DROSHA: variants seen among roughly 807,000 people sequenced by gnomAD.
The protein encoded by DROSHA is ribonuclease 3.
DROSHA carries 56 observed loss-of-function variants against 181.9 expected under a neutral mutation model. The ratio of observed to expected loss-of-function variants is 0.31; its 90% CI spans 0.25 to 0.38. The LOEUF is 0.38. DROSHA is among the 10% of genes least tolerant of loss of function. DROSHA has a pLI of 1.00. For missense variants in DROSHA, 1,218 were observed against 1,743.5 expected (o/e 0.70, Z 5.37); for synonymous variants, 524 against 591.2 (o/e 0.89, Z 1.65).
chr5:31,448,651 A>G (rs749455780), intron 22 of DROSHA, 44 bp from the exon 23 acceptor site: 2 of 1,454,706 alleles, frequency 1.4e-6, no homozygotes, highest in Non-Finnish European at 1.9e-6. Context: ...TACGGATAGA[A>G]GAATTATAGG....
rs554035746 is a variant in DROSHA, at chr5:31,486,605, T to C, written c.1843-43A>G. ...GAGGTTCAGTTCCCCAACGTCTCCCTGCAGGCTCATATTATACACGTTTGT... is the reference window on the plus strand; with the variant it reads ...GAGGTTCAGTTCCCCAACGTCTCCCCGCAGGCTCATATTATACACGTTTGT... On this transcript the variant is annotated intron_variant, in intron 13 of 35. Coordinates refer to ENST00000344624, the MANE Select transcript of DROSHA (RefSeq NM_001382508.1). The C allele has an allele frequency of 3.2e-6, 5 of 1,571,988 alleles. No homozygotes were observed. The East Asian group carries it at 1.1e-4, about 35-fold the overall frequency.
intron 12 of DROSHA, among the ~76,000 whole-genome samples, chr5:31,493,527 T>A (rs1359619150): frequency 6.6e-6 from 1 of 152,206 alleles, no homozygotes; most frequent in Non-Finnish European, 1.5e-5. Flanking sequence ...CATAAATAAA[T>A]AAAAGGCTAT....
chr5:31,475,058 C>T (rs1230885309), intron 16 of DROSHA, among the ~76,000 whole-genome samples: 1 of 152,204 alleles, frequency 6.6e-6, no homozygotes, highest in African/African-American at 2.4e-5. Context: ...TGGCTCACGC[C>T]TGTAATCCCA....
chr5:31,472,313 AAAAC>A (rs1749823947), intron 16 of DROSHA, 81 bp from the exon 17 acceptor site: 1 of 1,439,942 alleles, frequency 6.9e-7, no homozygotes. Context: ...AATAAGGAAA[AAAAC>A]AAGACAATGG....
chr5:31,530,697 A>G, intron 3 of DROSHA, 101 bp downstream of exon 3: 2 of 394,020 alleles, frequency 5.1e-6, no homozygotes, highest in Non-Finnish European at 8.9e-6. Context: ...TCCATCTATC[A>G]ATCTTAAATG....
At chr5:31,437,628 G>A (rs1220495859) in intron 23 of DROSHA, among the ~76,000 whole-genome samples, 1 of 152,038 alleles carries the variant, frequency 6.6e-6, no homozygotes, top group Non-Finnish European at 1.5e-5. Flanking sequence ...AAGACATAAA[G>A]AAGAATGCCT....
intron 13 of DROSHA, among the ~76,000 whole-genome samples, chr5:31,488,488 T>G (rs1457190256): frequency 6.6e-6 from 1 of 150,724 alleles, no homozygotes; most frequent in Non-Finnish European, 1.5e-5. Context: ...AGAGCAGGTG[T>G]TTAGCTTCTA....
At chr5:31,501,922 T>C (rs1051917610) in intron 11 of DROSHA, among the ~76,000 whole-genome samples, 1 of 152,158 alleles carries the variant, frequency 6.6e-6, no homozygotes, top group Admixed American at 6.5e-5. Flanking sequence ...GAGACCTTGG[T>C]AAAATGCATG....
At chr5:31,472,362 A>G in intron 16 of DROSHA, 130 bp from the exon 17 acceptor site, 3 of 1,115,392 alleles carry the variant, frequency 2.7e-6, no homozygotes, top group Non-Finnish European at 3.7e-6. Context: ...GTAATGTAAA[A>G]TTTACACTGT....
At position 31,422,856 on chromosome 5, in the gene DROSHA, A is replaced by G. The variant is rs1179152066; in HGVS notation, c.3350T>C (p.Ile1117Thr). 6.2e-7 allele frequency: 1 copy of G among 1,613,698 alleles called. No homozygotes were observed. Among genetic ancestry groups the G allele is most frequent in the Non-Finnish European group, 8.5e-7 (1 of 1,179,774 alleles). The change falls in exon 29 of 36, where the codon ATT (isoleucine) becomes ACT (threonine). Residue 1117 changes from isoleucine to threonine, a missense_variant. This residue lies in a region of DROSHA where 71 missense variants were observed against 95.2 expected (regional missense o/e 0.75). Transcript: ENST00000344624. ...TGCCAGAAGTCGAACATGAGTAAAA[A>G]TTACTCCAATTGCTTCTTCAAACTC... Reference protein sequence around the residue: ...LTEFEEAIGVIFTHVRLLARA... With the variant: ...LTEFEEAIGVTFTHVRLLARA...
At chr5:31,479,460 C>T (rs188367893) in intron 16 of DROSHA, among the ~76,000 whole-genome samples, 4 of 152,038 alleles carry the variant, frequency 2.6e-5, no homozygotes, top group Non-Finnish European at 4.4e-5. Flanking sequence ...ATATCTCATA[C>T]GAATTGTGAA....
At chr5:31,429,415 GA>G in intron 27 of DROSHA, 59 bp downstream of exon 27, 1 of 1,461,390 alleles carries the variant, frequency 6.8e-7, no homozygotes. Flanking sequence ...AAGACCAGCT[GA>G]AATAAAATAT....
rs760467039 is a variant in DROSHA at position 31,529,095 on chromosome 5, G to C, written c.-36C>G. ...CTGGATATGTCACATCTTCCACAGA[G>C]AATATAAGCTCTAAAAAACAGAAAG... is the stretch of plus-strand genomic sequence containing the variant. On this transcript the variant is annotated 5_prime_UTR_variant, in exon 4 of 36. Transcript: ENST00000344624. The C allele has an allele frequency of 6.2e-7, 1 of 1,609,980 alleles. No homozygotes were observed. The highest frequency in any genetic ancestry group is 1.1e-5 in the South Asian group (1 of 89,722).
intron 16 of DROSHA, among the ~76,000 whole-genome samples, chr5:31,476,407 C>A (rs1750378653): frequency 6.6e-6 from 1 of 152,132 alleles, no homozygotes; most frequent in Non-Finnish European, 1.5e-5. Context: ...TATAAGAATG[C>A]CAGTTATCCA....
At chr5:31,492,822 G>A (rs1339099783) in intron 13 of DROSHA, among the ~76,000 whole-genome samples, 1 of 152,202 alleles carries the variant, frequency 6.6e-6, no homozygotes, top group Non-Finnish European at 1.5e-5. Flanking sequence ...CAAACGTTCT[G>A]AATAAGCTCT....
intron 20 of DROSHA, among the ~76,000 whole-genome samples, chr5:31,463,286 C>T (rs898793385): frequency 6.6e-6 from 1 of 152,128 alleles, no homozygotes; most frequent in Non-Finnish European, 1.5e-5. Flanking sequence ...AAATAGTTAG[C>T]TTTGGACGTC....
rs1405638445 is a variant in DROSHA, at chr5:31,403,767, T to G, written c.3994+1910A>C. On this transcript the variant is annotated intron_variant, in intron 35 of 35. Transcript: ENST00000344624. The stretch of plus-strand genomic sequence containing the variant: ...AGAGTTGGAGAATTGCGACAGAGAT[T>G]ATATGGTCTGGGAAGTCTAAAATGC... Among the ~76,000 whole-genome samples the G allele has an allele frequency of 2.0e-5, 3 of 152,200 alleles. No individual in the cohort carries two copies. The East Asian group carries it at 5.8e-4, about 29-fold the overall frequency.
At chr5:31,423,700 A>G (rs941998940) in intron 28 of DROSHA, among the ~76,000 whole-genome samples, 6 of 152,192 alleles carry the variant, frequency 3.9e-5, no homozygotes, top group African/African-American at 1.4e-4. Flanking sequence ...TTCTTACTGT[A>G]AAGCCTCTTA....
At chr5:31,446,239 C>A (rs549938307) in intron 23 of DROSHA, among the ~76,000 whole-genome samples, 10 of 151,412 alleles carry the variant, frequency 6.6e-5, no homozygotes, top group Non-Finnish European at 1.2e-4. Context: ...AAGGTCAGGA[C>A]ATCAAGACCA....
Sources: gnomAD v4.1 joint callset for allele counts (sites outside exome capture counted in the v4.1 genomes callset) on GRCh38, gnomAD v4.1.1 for gene constraint, gnomAD v4.1.1 regional missense constraint, MANE v1.5 for transcripts, NCBI Gene and HGNC (gene_info 2026-07-23, HGNC 2026-07-21) for gene names.